The following CCDC91 variants were observed in gnomAD, a reference collection of about 807,000 sequenced individuals.
CCDC91 encodes the protein coiled-coil domain-containing protein 91.
CCDC91 carries 48 observed loss-of-function variants against 63.2 expected under a neutral mutation model. The observed-to-expected ratio is 0.76, with a 90% CI of 0.60 to 0.97. The LOEUF (loss-of-function observed/expected upper bound fraction) is 0.97, where lower values mean the gene tolerates loss of function less well. Among genes scored for constraint, CCDC91 ranks in the 50% least tolerant of loss-of-function variants. CCDC91 has a pLI of 0.00. For missense variants in CCDC91, 500 were observed against 494.6 expected, an observed-to-expected ratio of 1.01 and a Z score of -0.10; for synonymous variants, 167 against 165.8, an observed-to-expected ratio of 1.01 and a Z score of -0.06.
At chr12:28,522,374 T>C (rs1419002419) in intron 12 of CCDC91, among the ~76,000 whole-genome samples, 2 of 152,240 alleles carry the variant, frequency 1.3e-5, no homozygotes, top group Non-Finnish European at 2.9e-5. Context: ...ATGTTTATAG[T>C]ATTCTCTGAT....
intron 6 of CCDC91, among the ~76,000 whole-genome samples, chr12:28,353,278 T>C (rs1943303238): frequency 6.6e-6 from 1 of 152,212 alleles, no homozygotes; most frequent in Admixed American, 6.5e-5. Context: ...TGTTTCAGTC[T>C]TCTCTCCAGA....
At chr12:28,415,174 C>T (rs1947562999) in intron 8 of CCDC91, among the ~76,000 whole-genome samples, 1 of 150,322 alleles carries the variant, frequency 6.7e-6, no homozygotes, top group Non-Finnish European at 1.5e-5. Flanking sequence ...TAAGGCTCTT[C>T]TCTTTAGGTA....
At chr12:28,224,678 G>A (rs73263448) in intron 1 of CCDC91, among the ~76,000 whole-genome samples, 8,236 of 152,122 alleles carry the variant, frequency 0.054, 643 homozygotes, top group African/African-American at 0.18. Context: ...AATGAACTTG[G>A]GTTTAAAGAG....
At chr12:28,315,001 CTG>C (rs1280098118) in intron 6 of CCDC91, among the ~76,000 whole-genome samples, 1 of 151,830 alleles carries the variant, frequency 6.6e-6, no homozygotes, top group Non-Finnish European at 1.5e-5. Context: ...CTTTGTCAAA[CTG>C]TATTAGAATA....
At chr12:28,462,941 T>C (rs1490764831) in intron 11 of CCDC91, among the ~76,000 whole-genome samples, 2 of 152,094 alleles carry the variant, frequency 1.3e-5, no homozygotes, top group Non-Finnish European at 2.9e-5. Flanking sequence ...AGAAGTAGGC[T>C]TATTAAACAG....
At chr12:28,433,556 A>G (rs1948743935) in intron 8 of CCDC91, among the ~76,000 whole-genome samples, 1 of 151,718 alleles carries the variant, frequency 6.6e-6, no homozygotes, top group Non-Finnish European at 1.5e-5. Flanking sequence ...GTTCTGTTCC[A>G]TTTATCTATT....
At chr12:28,386,236 CA>C (rs1406929885) in intron 7 of CCDC91, among the ~76,000 whole-genome samples, 2 of 152,148 alleles carry the variant, frequency 1.3e-5, no homozygotes, top group African/African-American at 4.8e-5. Flanking sequence ...TATCAGTTTT[CA>C]CACAGGGATC....
At chr12:28,202,634 T>C (rs1362198847) in intron 1 of CCDC91, among the ~76,000 whole-genome samples, 10 of 152,226 alleles carry the variant, frequency 6.6e-5, no homozygotes, top group Admixed American at 6.5e-4. Flanking sequence ...CTTCAATGCT[T>C]AGACAGGCAG....
chr12:28,237,212 C>A (rs1218189217), intron 1 of CCDC91, among the ~76,000 whole-genome samples: 2 of 126,300 alleles, frequency 1.6e-5, no homozygotes, highest in Non-Finnish European at 3.5e-5. Flanking sequence ...TATGTTAATA[C>A]ATACATACAT....
At chr12:28,512,972 G>A (rs1342334661) in intron 12 of CCDC91, among the ~76,000 whole-genome samples, 1 of 151,790 alleles carries the variant, frequency 6.6e-6, no homozygotes, top group African/African-American at 2.4e-5. Flanking sequence ...CAGCTATGCT[G>A]TAAAATTAAA....
At chr12:28,332,597 T>C in intron 6 of CCDC91, among the ~76,000 whole-genome samples, 1 of 152,188 alleles carries the variant, frequency 6.6e-6, no homozygotes, top group East Asian at 1.9e-4. Context: ...ATGCTCTATA[T>C]TTTGTGGAAG....
intron 1 of CCDC91, 32 bp from the exon 2 acceptor site, chr12:28,257,170 G>A (rs190601871): frequency 3.6e-6 from 5 of 1,407,712 alleles, no homozygotes; most frequent in Admixed American, 1.7e-5. Flanking sequence ...CTGTGTGTGT[G>A]CGGGCTTGTT....
In CCDC91 at chr12:28,394,912, A is replaced by G. The variant is rs552231030; in HGVS notation, c.762+3501A>G. Among the ~76,000 whole-genome samples the G allele has an allele frequency of 3.1e-3, 472 of 152,216 alleles. 1 individual carries two copies. The highest frequency in any genetic ancestry group is 4.9e-3 in the Non-Finnish European group (334 of 67,996). On this transcript the variant is annotated intron_variant, in intron 8 of 12. Transcript: ENST00000536442. ...GATACACAAGTAATTACTACCTCAT[A>G]GTACTATTATATGTATTATATGACA...
intron 6 of CCDC91, among the ~76,000 whole-genome samples, chr12:28,323,676 G>A (rs555102067): frequency 1.3e-5 from 2 of 151,906 alleles, no homozygotes; most frequent in African/African-American, 2.4e-5. Context: ...TAAATTCTTA[G>A]ATGTATAGAT....
At chr12:28,489,461 T>C (rs1951886685) in intron 12 of CCDC91, among the ~76,000 whole-genome samples, 1 of 151,898 alleles carries the variant, frequency 6.6e-6, no homozygotes, top group Admixed American at 6.6e-5. Flanking sequence ...AAGTTAAGAC[T>C]GTTACACATG....
intron 1 of CCDC91, among the ~76,000 whole-genome samples, chr12:28,192,528 A>G (rs2121196750): frequency 6.6e-6 from 1 of 152,304 alleles, no homozygotes; most frequent in South Asian, 2.1e-4. Context: ...TTTTCTGTCC[A>G]AACAATGAGA....
At chr12:28,520,862 G>C (rs1438874125) in intron 12 of CCDC91, among the ~76,000 whole-genome samples, 1 of 152,112 alleles carries the variant, frequency 6.6e-6, no homozygotes, top group East Asian at 1.9e-4. Flanking sequence ...TGTCAGGTTT[G>C]TCAAAGATCA....
In CCDC91 at chr12:28,270,998, C is replaced by A. The variant is rs1946574983; in HGVS notation, c.109+11556C>A. 2.6e-5 allele frequency among the ~76,000 whole-genome samples: 4 copies of A among 152,190 alleles called. No homozygotes were observed. In the South Asian group the frequency reaches 6.2e-4, roughly 24 times the overall value. Reference sequence around the variant, plus strand: ...CCGAAATTAAATAATTATTCAGATTCTTACTTAATTATGACTAGGATACAC... The same window carrying A: ...CCGAAATTAAATAATTATTCAGATTATTACTTAATTATGACTAGGATACAC... On this transcript the variant is annotated intron_variant, in intron 3 of 12. Coordinates refer to ENST00000536442, the MANE Select transcript of CCDC91 (RefSeq NM_018318.5).
intron 1 of CCDC91, among the ~76,000 whole-genome samples, chr12:28,249,537 A>G (rs1295604810): frequency 6.6e-6 from 1 of 152,202 alleles, no homozygotes; most frequent in Non-Finnish European, 1.5e-5. Flanking sequence ...TGCTTAAAGA[A>G]TGAAGTTTTT....
Sources: allele counts gnomAD v4.1 joint callset (sites outside exome capture counted in the v4.1 genomes callset), GRCh38; gene constraint gnomAD v4.1.1; transcripts MANE v1.5; gene names NCBI Gene and HGNC (gene_info 2026-07-23, HGNC 2026-07-21).